Variants in TMCC3 observed in about 807,000 individuals in gnomAD.
The protein encoded by TMCC3 is transmembrane and coiled-coil domain protein 3.
Under a neutral mutation model 40.2 loss-of-function variants are expected in TMCC3, and 28 were observed. That is an observed-to-expected ratio of 0.70 (90% confidence interval 0.52 to 0.95). The LOEUF is 0.95. Among genes scored for constraint, TMCC3 ranks in the 40% least tolerant of loss-of-function variants. TMCC3 has a pLI of 0.00. For synonymous variants in TMCC3, 255 were observed against 248.5 expected, an observed-to-expected ratio of 1.03 and a Z score of -0.25; for missense variants, 554 against 615.2, an observed-to-expected ratio of 0.90 and a Z score of 1.05.
At position 94,645,827 on chromosome 12, in the gene TMCC3, C is replaced by T. The variant is rs573073141; in HGVS notation, c.78+4526G>A. On this transcript the variant is annotated intron_variant, in intron 1 of 3. Coordinates refer to ENST00000261226, the MANE Select transcript of TMCC3 (RefSeq NM_020698.4). ...TGCTCCTGTAAGCATTTCCTTTGAG[C>T]GTCATGTTGACGCTCAAAAAGTTTT... 2.0e-5 allele frequency among the ~76,000 whole-genome samples: 3 copies of T among 152,156 alleles called. No homozygotes were observed. In the South Asian group the frequency reaches 6.2e-4, roughly 32 times the overall value.
intron 2 of TMCC3, among the ~76,000 whole-genome samples, chr12:94,580,561 C>T (rs2068594105): frequency 1.3e-5 from 2 of 152,158 alleles, no homozygotes; most frequent in South Asian, 2.1e-4. Flanking sequence ...ATGGTGAAAC[C>T]CCATCTCTAC....
At chr12:94,589,078 C>T (rs1053797670) in intron 1 of TMCC3, among the ~76,000 whole-genome samples, 1 of 152,070 alleles carries the variant, frequency 6.6e-6, no homozygotes, top group Non-Finnish European at 1.5e-5. Context: ...CCACATCGGC[C>T]CCCCAAAGTG....
intron 1 of TMCC3, among the ~76,000 whole-genome samples, chr12:94,637,132 A>T (rs2068964747): frequency 6.6e-6 from 1 of 152,260 alleles, no homozygotes; most frequent in Non-Finnish European, 1.5e-5. Context: ...AAATCTATGT[A>T]AAAGACCAAC....
chr12:94,574,570 A>G (rs1594263647), intron 3 of TMCC3, among the ~76,000 whole-genome samples: 1 of 152,314 alleles, frequency 6.6e-6, no homozygotes, highest in Middle Eastern at 3.4e-3. Flanking sequence ...TAATGGCTCC[A>G]AGATTGATTT....
At chr12:94,576,308 T>C (rs983967069) in intron 3 of TMCC3, among the ~76,000 whole-genome samples, 5 of 152,196 alleles carry the variant, frequency 3.3e-5, no homozygotes, top group African/African-American at 1.2e-4. Context: ...AATAAAAACG[T>C]GGCCAGTTGA....
intron 2 of TMCC3, among the ~76,000 whole-genome samples, chr12:94,578,907 G>T (rs1369672105): frequency 6.6e-6 from 1 of 152,148 alleles, no homozygotes; most frequent in African/African-American, 2.4e-5. Context: ...TGTCTGTGGT[G>T]CCTTTTCCCT....
At chr12:94,634,070 T>C (rs536198489) in intron 1 of TMCC3, among the ~76,000 whole-genome samples, 1 of 151,792 alleles carries the variant, frequency 6.6e-6, no homozygotes, top group East Asian at 1.9e-4. Flanking sequence ...ACTCAGCATC[T>C]CAAGTAGCTG....
chr12:94,633,763 G>A (rs1474261972), intron 1 of TMCC3, among the ~76,000 whole-genome samples: 1 of 152,088 alleles, frequency 6.6e-6, no homozygotes, highest in Non-Finnish European at 1.5e-5. Flanking sequence ...AGGCTGTTGT[G>A]TAAATAAACT....
intron 1 of TMCC3, among the ~76,000 whole-genome samples, chr12:94,631,824 C>A (rs1196578525): frequency 1.3e-5 from 2 of 152,194 alleles, no homozygotes. Context: ...ACTGTGGAAA[C>A]TGACGCTCCA....
rs2068524325 is a variant in TMCC3, at chr12:94,571,064, A to T, written c.*371T>A. 1 of 230,834 alleles carries T rather than the reference A, an allele frequency of 4.3e-6. No individual in the cohort carries two copies. Among genetic ancestry groups the T allele is most frequent in the Non-Finnish European group, 8.6e-6 (1 of 116,828 alleles). 14.3% of individuals were successfully genotyped at this position (230,834 alleles called of 1,614,324 possible). A position where few individuals can be genotyped will look rare whatever the true frequency, so the allele number is the denominator to read the frequency against. ...TTTATAGGACTCACAGAAAACAACCATTAGCAATTGTGAAGCTCAATTCTG... is the reference window on the plus strand; with the variant it reads ...TTTATAGGACTCACAGAAAACAACCTTTAGCAATTGTGAAGCTCAATTCTG... On this transcript the variant is annotated 3_prime_UTR_variant, in exon 4 of 4. Transcript: ENST00000261226.
chr12:94,616,322 A>C (rs964644763), intron 1 of TMCC3: 2 of 153,750 alleles, frequency 1.3e-5, no homozygotes, highest in Non-Finnish European at 2.9e-5. Context: ...CTCTTTACCA[A>C]TAAGGAAATG....
intron 1 of TMCC3, among the ~76,000 whole-genome samples, chr12:94,622,013 CCA>C (rs1335685005): frequency 2.0e-5 from 3 of 152,164 alleles, no homozygotes; most frequent in Non-Finnish European, 4.4e-5. Flanking sequence ...AAACCCAGCC[CCA>C]CACAGTTAAC....
chr12:94,611,696 A>G (rs2068816844), intron 1 of TMCC3, among the ~76,000 whole-genome samples: 4 of 152,066 alleles, frequency 2.6e-5, no homozygotes, highest in Admixed American at 2.6e-4. Flanking sequence ...ACTTTAAATC[A>G]TCTCCAGATT....
At chr12:94,578,141 C>T (rs1236824949) in intron 3 of TMCC3, among the ~76,000 whole-genome samples, 1 of 48,282 alleles carries the variant, frequency 2.1e-5, no homozygotes, top group Non-Finnish European at 3.5e-5. Flanking sequence ...GAGCGAGACT[C>T]ACCTCAAAAA....
chr12:94,633,427 T>A (rs1286621597), intron 1 of TMCC3, among the ~76,000 whole-genome samples: 1 of 152,188 alleles, frequency 6.6e-6, no homozygotes, highest in Non-Finnish European at 1.5e-5. Flanking sequence ...GGCAGATATA[T>A]GGGTATCATA....
chr12:94,582,851 G>A (rs2068613530), intron 1 of TMCC3, among the ~76,000 whole-genome samples: 1 of 151,974 alleles, frequency 6.6e-6, no homozygotes, highest in African/African-American at 2.4e-5. Flanking sequence ...GTCAGTCCCG[G>A]TCTCCCAAAG....
intron 1 of TMCC3, among the ~76,000 whole-genome samples, chr12:94,630,546 T>C (rs2068927586): frequency 6.6e-6 from 1 of 152,166 alleles, no homozygotes; most frequent in African/African-American, 2.4e-5. Flanking sequence ...AGGAGGATAG[T>C]TGTGTCTCTT....
chr12:94,571,930 T>C (rs1270953510), intron 3 of TMCC3, among the ~76,000 whole-genome samples, 193 bp from the exon 4 acceptor site: 2 of 152,236 alleles, frequency 1.3e-5, no homozygotes, highest in South Asian at 2.1e-4. Context: ...TCTCCTGTTG[T>C]TCACGAGTAG....
intron 1 of TMCC3, among the ~76,000 whole-genome samples, chr12:94,643,405 G>A (rs551392643): frequency 2.0e-5 from 3 of 152,270 alleles, no homozygotes; most frequent in African/African-American, 7.2e-5. Flanking sequence ...GATCTACTGA[G>A]GAGACACGTT....
Sources: gnomAD v4.1 joint callset for allele counts (sites outside exome capture counted in the v4.1 genomes callset) on GRCh38, gnomAD v4.1.1 for gene constraint, MANE v1.5 for transcripts, NCBI Gene and HGNC (gene_info 2026-07-23, HGNC 2026-07-21) for gene names.